The following RANBP2 variants were observed in gnomAD, a reference collection of about 807,000 sequenced individuals.
RANBP2 encodes the protein RAN binding protein 2, also known as E3 SUMO-protein ligase RanBP2.
RANBP2 carries 57 observed loss-of-function variants against 303.6 expected under a neutral mutation model. The ratio of observed to expected loss-of-function variants is 0.19; its 90% CI spans 0.15 to 0.23. The LOEUF (loss-of-function observed/expected upper bound fraction) is 0.23, where lower values mean the gene tolerates loss of function less well. Among genes scored for constraint, RANBP2 ranks in the 10% least tolerant of loss-of-function variants. The pLI is 1.00. For synonymous variants in RANBP2, 1,167 were observed against 1,301.5 expected (o/e 0.90, Z 2.23); for missense variants, 3,138 against 3,780.8 (o/e 0.83, Z 4.46).
chr2:109,373,039 C>T, the RANBP2 span, among the ~76,000 whole-genome samples: 5 of 152,262 alleles, frequency 3.3e-5, no homozygotes, highest in East Asian at 3.9e-4. Flanking sequence ...CTCAAATATT[C>T]GGGACCAGTG....
the RANBP2 span, chr2:108,839,334 A>G: frequency 6.4e-7 from 1 of 1,551,600 alleles, no homozygotes. Flanking sequence ...TCTATAAGTA[A>G]TACTCCACCT....
chr2:108,771,987 G>A (rs914248845), intron 21 of RANBP2, 116 bp downstream of exon 21: 6 of 1,295,620 alleles, frequency 4.6e-6, no homozygotes, highest in Admixed American at 1.9e-5. Context: ...ATCCTTGCAG[G>A]TAGATATTTA....
chr2:109,359,856 A>C, the RANBP2 span, among the ~76,000 whole-genome samples: 2 of 152,162 alleles, frequency 1.3e-5, no homozygotes, highest in Non-Finnish European at 2.9e-5. Flanking sequence ...ATGCAAGCAC[A>C]ACCATAAAGG....
chr2:108,794,475 A>C, the RANBP2 span: 2 of 1,400,024 alleles, frequency 1.4e-6, no homozygotes, highest in African/African-American at 1.4e-5. Flanking sequence ...CCTAAAGGTT[A>C]CTCTGAGAAT....
chr2:108,930,575 C>A, the RANBP2 span, among the ~76,000 whole-genome samples: 1 of 152,092 alleles, frequency 6.6e-6, no homozygotes, highest in Non-Finnish European at 1.5e-5. Flanking sequence ...CCCCACTGAG[C>A]CTCTAATACA....
the RANBP2 span, among the ~76,000 whole-genome samples, chr2:108,836,886 C>T: frequency 6.6e-6 from 1 of 151,422 alleles, no homozygotes; most frequent in Non-Finnish European, 1.5e-5. Flanking sequence ...TGTATGGAAA[C>T]ACAAGTGATT....
At chr2:109,483,640 T>C in the RANBP2 span, among the ~76,000 whole-genome samples, 3 of 152,220 alleles carry the variant, frequency 2.0e-5, no homozygotes, top group African/African-American at 7.2e-5. Context: ...GGAATTGGCA[T>C]AGAGTTTGGT....
the RANBP2 span, among the ~76,000 whole-genome samples, chr2:108,852,812 GT>G: frequency 3.3e-5 from 5 of 152,058 alleles, no homozygotes; most frequent in Admixed American, 6.5e-5. Flanking sequence ...TAATACCTGG[GT>G]GATGAAATAA....
chr2:109,571,553 C>G, the RANBP2 span, among the ~76,000 whole-genome samples: 1 of 152,168 alleles, frequency 6.6e-6, no homozygotes, highest in Non-Finnish European at 1.5e-5. Context: ...CTAAACATAT[C>G]TAAACACAGA....
At chr2:108,959,215 G>A in the RANBP2 span, among the ~76,000 whole-genome samples, 4 of 152,250 alleles carry the variant, frequency 2.6e-5, no homozygotes, top group African/African-American at 9.6e-5. Context: ...TAAAGCTGAT[G>A]GGGCCATTGC....
the RANBP2 span, among the ~76,000 whole-genome samples, chr2:109,517,323 G>T: frequency 6.6e-6 from 1 of 152,268 alleles, no homozygotes; most frequent in East Asian, 1.9e-4. Flanking sequence ...ACTGTGCGGG[G>T]CCTGGGACTT....
the RANBP2 span, among the ~76,000 whole-genome samples, chr2:109,656,863 G>A: frequency 7.2e-4 from 109 of 152,330 alleles, no homozygotes; most frequent in African/African-American, 2.6e-3. Context: ...ATGAAGCACA[G>A]TGTACTGAGT....
the RANBP2 span, among the ~76,000 whole-genome samples, chr2:108,888,914 G>A: frequency 0.94 from 142,766 of 152,042 alleles, 67,113 homozygotes; most frequent in East Asian, 1. Context: ...TACTCTTTCT[G>A]CTTTTTTTGA....
the RANBP2 span, among the ~76,000 whole-genome samples, chr2:109,743,222 G>A: frequency 4.0e-5 from 6 of 148,442 alleles, no homozygotes; most frequent in Non-Finnish European, 8.9e-5. Flanking sequence ...AGTAAGCCAC[G>A]ATGGCATCAC....
At chr2:109,145,981 G>A in the RANBP2 span, among the ~76,000 whole-genome samples, 1 of 152,104 alleles carries the variant, frequency 6.6e-6, no homozygotes, top group Non-Finnish European at 1.5e-5. Context: ...CAAGTCAAGG[G>A]GCTTGGCAGT....
chr2:109,121,172 A>G, the RANBP2 span, among the ~76,000 whole-genome samples: 308 of 152,246 alleles, frequency 2.0e-3, 1 homozygote, highest in African/African-American at 6.8e-3. Context: ...ACATGCGCCC[A>G]GGAGGTGGAG....
the RANBP2 span, among the ~76,000 whole-genome samples, chr2:109,375,513 A>G: frequency 6.6e-6 from 1 of 152,250 alleles, no homozygotes; most frequent in East Asian, 1.9e-4. Flanking sequence ...AACTAAATCC[A>G]AACACTCCAC....
At chr2:109,150,186 C>T in the RANBP2 span, among the ~76,000 whole-genome samples, 1 of 152,098 alleles carries the variant, frequency 6.6e-6, no homozygotes, top group African/African-American at 2.4e-5. Flanking sequence ...CAGATCTGCA[C>T]CTGGAAGATG....
the RANBP2 span, among the ~76,000 whole-genome samples, chr2:108,899,846 C>T: frequency 6.6e-6 from 1 of 151,948 alleles, no homozygotes; most frequent in East Asian, 1.9e-4. Flanking sequence ...AACACATTGG[C>T]GTGGTAGTGC....
Sources: allele counts gnomAD v4.1 joint callset (sites outside exome capture counted in the v4.1 genomes callset), GRCh38; gene constraint gnomAD v4.1.1; transcripts MANE v1.5; gene names NCBI Gene and HGNC (gene_info 2026-07-23, HGNC 2026-07-21).